The following TMEM232 variants were observed in gnomAD, a reference collection of about 807,000 sequenced individuals.
TMEM232 encodes the protein transmembrane protein 232.
In TMEM232, 80 loss-of-function variants were observed where a neutral mutation model predicts 78.8. The ratio of observed to expected loss-of-function variants is 1.01; its 90% CI spans 0.85 to 1.22. TMEM232 has a LOEUF of 1.22. Ranked by LOEUF, TMEM232 falls within the 50% of genes most tolerant of loss-of-function variation. The pLI, the probability that TMEM232 is intolerant of heterozygous loss-of-function variation, is 0.00. For missense variants in TMEM232, 881 were observed against 742.2 expected, an observed-to-expected ratio of 1.19 and a Z score of -2.17; for synonymous variants, 297 against 254.3, an observed-to-expected ratio of 1.17 and a Z score of -1.60.
At chr5:110,563,159 G>T (rs1775948049) in intron 11 of TMEM232, among the ~76,000 whole-genome samples, 2 of 151,828 alleles carry the variant, frequency 1.3e-5, no homozygotes. Flanking sequence ...TCTAAGCATT[G>T]AAAACAAATT....
chr5:110,730,893 C>T (rs1253808746), upstream of TMEM232, among the ~76,000 whole-genome samples: 1 of 152,174 alleles, frequency 6.6e-6, no homozygotes, highest in Non-Finnish European at 1.5e-5. Context: ...GCCTTCCCAA[C>T]AGTACCCTAA....
intron 12 of TMEM232, among the ~76,000 whole-genome samples, chr5:110,468,196 A>G (rs1055791004): frequency 6.9e-6 from 1 of 145,862 alleles, no homozygotes; most frequent in East Asian, 2.0e-4. Flanking sequence ...CCAGAATACA[A>G]TGAAATAACA....
At chr5:110,652,296 A>ACGCGCG (rs1385716650) in intron 2 of TMEM232, among the ~76,000 whole-genome samples, 3 of 110,770 alleles carry the variant, frequency 2.7e-5, no homozygotes, top group African/African-American at 8.7e-5. Flanking sequence ...ACGCGCGCGC[A>ACGCGCG]CACACACACA....
intron 12 of TMEM232, among the ~76,000 whole-genome samples, chr5:110,479,788 A>T (rs1329359801): frequency 6.6e-6 from 1 of 151,874 alleles, no homozygotes; most frequent in Non-Finnish European, 1.5e-5. Flanking sequence ...GACACTACTG[A>T]ATACAAGTTC....
At chr5:110,682,396 C>A (rs903233945) in intron 1 of TMEM232, among the ~76,000 whole-genome samples, 4 of 151,040 alleles carry the variant, frequency 2.6e-5, no homozygotes, top group Non-Finnish European at 5.9e-5. Flanking sequence ...AAAAAAAAAA[C>A]AACAATTATT....
At chr5:110,688,093 ATGTG>A (rs10528620) in intron 1 of TMEM232, among the ~76,000 whole-genome samples, 7,132 of 147,960 alleles carry the variant, frequency 0.048, 271 homozygotes, top group African/African-American at 0.11. Context: ...CTCTGAGGGG[ATGTG>A]TGTGTGTGTG....
At chr5:110,403,146 G>A (rs1755666264) in intron 2 of TMEM232, among the ~76,000 whole-genome samples, 1 of 152,044 alleles carries the variant, frequency 6.6e-6, no homozygotes, top group African/African-American at 2.4e-5. Flanking sequence ...AAGGTTCAAG[G>A]CCCTAATATG....
At chr5:110,437,296 C>T (rs1758545407) in intron 12 of TMEM232, among the ~76,000 whole-genome samples, 1 of 151,744 alleles carries the variant, frequency 6.6e-6, no homozygotes, top group Non-Finnish European at 1.5e-5. Context: ...CAAGCCTCCA[C>T]ATGTAATCTA....
At chr5:110,646,172 T>G (rs77159230) in intron 2 of TMEM232, among the ~76,000 whole-genome samples, 1 of 151,718 alleles carries the variant, frequency 6.6e-6, no homozygotes. Flanking sequence ...CCCAAAGAGA[T>G]CTAAGACTCA....
Position 110,638,199 on chromosome 5 carries a change from T to A in TMEM232, c.500A>T (p.Lys167Met). The A allele has an allele frequency of 6.5e-7, 1 of 1,539,696 alleles. No individual in the cohort carries two copies. Among genetic ancestry groups the A allele is most frequent in the Non-Finnish European group, 8.8e-7 (1 of 1,142,326 alleles). ...YLYSVEIKLA[K>M]IGYLVFLRLF... ...ATTAAGAAGTTTTTCAAAACATACC[T>A]TTGCTAGCTTTATTTCAACTGAATA... Residue 167 changes from lysine (K) to methionine (M), a missense_variant and splice_region_variant, in exon 5 of 14, where the codon AAG becomes ATG. By Grantham distance (95) the Lys-to-Met change is moderately conservative. Transcript: ENST00000455884.
chr5:110,503,254 T>C (rs995868917), intron 12 of TMEM232, among the ~76,000 whole-genome samples: 28 of 152,262 alleles, frequency 1.8e-4, no homozygotes, highest in African/African-American at 6.7e-4. Flanking sequence ...ATTTTAGAAA[T>C]ATTTGGAAAG....
intron 12 of TMEM232, among the ~76,000 whole-genome samples, chr5:110,460,734 C>A (rs559334510): frequency 2.0e-5 from 3 of 150,582 alleles, no homozygotes; most frequent in Non-Finnish European, 4.4e-5. Context: ...CTATTGGTAT[C>A]ATTTTCCAAC....
intron 12 of TMEM232, among the ~76,000 whole-genome samples, chr5:110,461,040 A>C (rs141656282): frequency 6.6e-6 from 1 of 152,040 alleles, no homozygotes; most frequent in East Asian, 1.9e-4. Context: ...ATAATCCCAC[A>C]ATGGCCTTTA....
intron 10 of TMEM232, among the ~76,000 whole-genome samples, chr5:110,592,277 C>T (rs931495868): frequency 2.6e-5 from 4 of 152,010 alleles, no homozygotes; most frequent in African/African-American, 4.8e-5. Flanking sequence ...AGAAAATTGC[C>T]GAATATATCC....
intron 1 of TMEM232, among the ~76,000 whole-genome samples, chr5:110,682,604 T>G (rs1463229103): frequency 6.6e-6 from 1 of 152,290 alleles, no homozygotes; most frequent in Non-Finnish European, 1.5e-5. Flanking sequence ...AAAAATGGCT[T>G]GATTTCAGGC....
intron 12 of TMEM232, among the ~76,000 whole-genome samples, chr5:110,436,786 G>C (rs972026796): frequency 6.6e-6 from 1 of 151,900 alleles, no homozygotes; most frequent in African/African-American, 2.4e-5. Flanking sequence ...ATTTGTTTCT[G>C]GGCTCTCTAC....
At chr5:110,686,884 C>A (rs370901105) in intron 1 of TMEM232, among the ~76,000 whole-genome samples, 1 of 152,102 alleles carries the variant, frequency 6.6e-6, no homozygotes, top group Non-Finnish European at 1.5e-5. Flanking sequence ...CTTCCTTTCA[C>A]GGTCATTGTT....
chr5:110,696,796 G>T (rs572109996), intron 1 of TMEM232, among the ~76,000 whole-genome samples: 3,672 of 124,698 alleles, frequency 0.029, 47 homozygotes, highest in African/African-American at 0.038. Flanking sequence ...AATGAAATAA[G>T]AGGATACAAA....
chr5:110,397,606 ATAAC>A (rs1396783433), intron 3 of TMEM232, among the ~76,000 whole-genome samples: 1 of 152,196 alleles, frequency 6.6e-6, no homozygotes, highest in African/African-American at 2.4e-5. Context: ...CTCATAATAA[ATAAC>A]CACATTTAAC....
Sources: gnomAD v4.1 joint callset for allele counts (sites outside exome capture counted in the v4.1 genomes callset) on GRCh38, gnomAD v4.1.1 for gene constraint, MANE v1.5 for transcripts, NCBI Gene and HGNC (gene_info 2026-07-23, HGNC 2026-07-21) for gene names.